Variants in CDYL2 observed in about 807,000 individuals in gnomAD.
CDYL2 encodes chromodomain Y like 2, also known as chromodomain Y-like protein 2.
Under a neutral mutation model 49.4 loss-of-function variants are expected in CDYL2, and 23 were observed. The ratio of observed to expected loss-of-function variants is 0.47; its 90% confidence interval spans 0.34 to 0.66. The LOEUF is 0.66. Among genes scored for constraint, CDYL2 ranks in the 30% least tolerant of loss-of-function variants. The pLI, the probability that CDYL2 is intolerant of heterozygous loss-of-function variation, is 0.01. For missense variants in CDYL2, 678 were observed against 656.4 expected (o/e 1.03, Z -0.36); for synonymous variants, 360 against 268.8 (o/e 1.34, Z -3.32).
At chr16:80,652,810 C>G (rs1908641569) in intron 2 of CDYL2, among the ~76,000 whole-genome samples, 1 of 152,160 alleles carries the variant, frequency 6.6e-6, no homozygotes, top group African/African-American at 2.4e-5. Context: ...AGAAAAACAT[C>G]AAACAAATCC....
rs564364003 is a variant in CDYL2 at position 80,789,931 on chromosome 16, G to C, written c.24+14219C>G. 7.9e-5 allele frequency among the ~76,000 whole-genome samples: 12 copies of C among 152,238 alleles called. No individual in the cohort carries two copies. The East Asian group carries it at 2.3e-3, about 29-fold the overall frequency. On this transcript the variant is annotated intron_variant, in intron 1 of 6. Coordinates refer to ENST00000570137, the MANE Select transcript of CDYL2 (RefSeq NM_152342.4). Reference sequence around the variant, plus strand: ...CCAAAAGGAAAGAAGATGTGAGGGGGATGAGGGTTGAAAAATTACCTACTG... The same window carrying C: ...CCAAAAGGAAAGAAGATGTGAGGGGCATGAGGGTTGAAAAATTACCTACTG...
chr16:80,718,037 C>T (rs1904869249), intron 1 of CDYL2, among the ~76,000 whole-genome samples: 2 of 152,196 alleles, frequency 1.3e-5, no homozygotes, highest in African/African-American at 4.8e-5. Flanking sequence ...ATCATCCTGA[C>T]AAACCCAGGA....
At chr16:80,635,134 A>G (rs892428650) in intron 2 of CDYL2, among the ~76,000 whole-genome samples, 4 of 152,250 alleles carry the variant, frequency 2.6e-5, no homozygotes, top group African/African-American at 9.6e-5. Context: ...ATCAGGTATA[A>G]GAAGCTGGTT....
rs1278791548 is a variant in CDYL2, at chr16:80,804,242, C to T, written c.-69G>A. The T allele has an allele frequency of 4.6e-6, 6 of 1,301,510 alleles. No homozygotes were observed. The highest frequency in any genetic ancestry group is 1.6e-5 in the African/African-American group (1 of 62,586). The allele number at this position is 1,301,510 out of a possible 1,614,324, so 80.6% of individuals were successfully genotyped here. The stretch of plus-strand genomic sequence containing the variant: ...CTCGCGCCCTCCGTGCGTGTGCGCG[C>T]GGGGTCCGGTGTGCGCGTGTGTGTG... On this transcript the variant is annotated 5_prime_UTR_variant, in exon 1 of 7. Transcript: ENST00000570137.
chr16:80,625,873 T>C (rs1907276308), intron 3 of CDYL2, among the ~76,000 whole-genome samples: 1 of 152,018 alleles, frequency 6.6e-6, no homozygotes, highest in Admixed American at 6.6e-5. Flanking sequence ...AAAGGAAGGG[T>C]AAAAATTAGG....
Position 80,757,194 on chromosome 16 carries a change from A to C in CDYL2, c.24+46956T>G, listed in dbSNP as rs1201935498. On this transcript the variant is annotated intron_variant, in intron 1 of 6. Coordinates refer to ENST00000570137, the MANE Select transcript of CDYL2 (RefSeq NM_152342.4). ...AGTTAAAATATCAACTAAGACAAGC[A>C]GACTTTAATAACTAAAAGAGAGTCA... 3.3e-5 allele frequency among the ~76,000 whole-genome samples: 5 copies of C among 152,232 alleles called. No individual in the cohort carries two copies. The South Asian group carries it at 6.2e-4, about 19-fold the overall frequency.
intron 2 of CDYL2, among the ~76,000 whole-genome samples, chr16:80,639,317 C>G (rs1013854877): frequency 2.6e-5 from 4 of 152,174 alleles, no homozygotes; most frequent in African/African-American, 9.7e-5. Flanking sequence ...CTAAACTAGT[C>G]TTACCACATC....
intron 1 of CDYL2, among the ~76,000 whole-genome samples, chr16:80,786,735 C>T (rs1907448459): frequency 6.6e-6 from 1 of 152,150 alleles, no homozygotes; most frequent in Non-Finnish European, 1.5e-5. Flanking sequence ...GAATACTATG[C>T]AGCCATAAAA....
In CDYL2 at chr16:80,638,935, A is replaced by G. The variant is rs191389167; in HGVS notation, c.617-5699T>C. Among the ~76,000 whole-genome samples the G allele has an allele frequency of 1.8e-4, 27 of 152,352 alleles. No homozygotes were observed. In the East Asian group the frequency reaches 4.4e-3, roughly 25 times the overall value. ...ACTTGGGTTTGCAATGACTTTTTAC[A>G]TAAGACACTAAAAACATGATCCGTG... On this transcript the variant is annotated intron_variant, in intron 2 of 6. Coordinates refer to ENST00000570137, the MANE Select transcript of CDYL2 (RefSeq NM_152342.4).
chr16:80,750,948 A>T (rs1906114104), intron 1 of CDYL2, among the ~76,000 whole-genome samples: 1 of 152,006 alleles, frequency 6.6e-6, no homozygotes, highest in Admixed American at 6.6e-5. Flanking sequence ...TGAACCCGGG[A>T]GGTGGAGCTT....
At chr16:80,706,396 C>G (rs9934575) in intron 1 of CDYL2, among the ~76,000 whole-genome samples, 26,166 of 152,128 alleles carry the variant, frequency 0.17, 3,921 homozygotes, top group African/African-American at 0.41. Context: ...AGATAAACCT[C>G]AGCTTGAATC....
intron 1 of CDYL2, among the ~76,000 whole-genome samples, chr16:80,688,396 C>T (rs1910282220): frequency 6.6e-6 from 1 of 152,024 alleles, no homozygotes. Context: ...GCCTTGGTGT[C>T]CCCATCGGTA....
In CDYL2 at chr16:80,722,195, T is replaced by TA. The variant is rs397854672; in HGVS notation, c.25-37067dup. On this transcript the variant is annotated intron_variant, in intron 1 of 6. Transcript: ENST00000570137. Reference sequence around the variant, plus strand: ...CCAAAGAGGTTTTTAAATACTGATTTAAAAAAAAGAAGAAAATGAATAAAA... The same window carrying TA: ...CCAAAGAGGTTTTTAAATACTGATTTAAAAAAAAAGAAGAAAATGAATAAAA... 1.6e-3 allele frequency among the ~76,000 whole-genome samples: 240 copies of TA among 151,788 alleles called. 1 individual carries two copies. Among genetic ancestry groups the TA allele is most frequent in the African/African-American group, 5.3e-3 (221 of 41,376 alleles).
intron 1 of CDYL2, among the ~76,000 whole-genome samples, chr16:80,783,162 T>C (rs544352957): frequency 4.6e-5 from 7 of 151,992 alleles, no homozygotes; most frequent in African/African-American, 1.7e-4. Flanking sequence ...ACTCAACAAT[T>C]CAACAACAAA....
chr16:80,731,187 C>T (rs1221243757), intron 1 of CDYL2, among the ~76,000 whole-genome samples: 1 of 151,898 alleles, frequency 6.6e-6, no homozygotes, highest in Non-Finnish European at 1.5e-5. Context: ...AAAATAAGAA[C>T]AGGATGAAAT....
chr16:80,765,728 C>CAA (rs35740729), intron 1 of CDYL2, among the ~76,000 whole-genome samples: 119 of 54,928 alleles, frequency 2.2e-3, no homozygotes, highest in African/African-American at 4.1e-3. Context: ...GTATTAATCG[C>CAA]AAAAAAAAAA....
chr16:80,748,038 C>G (rs545110759), intron 1 of CDYL2, among the ~76,000 whole-genome samples: 6 of 151,836 alleles, frequency 4.0e-5, no homozygotes, highest in Admixed American at 1.3e-4. Context: ...CCAGCCTCCA[C>G]CCCAGTGACC....
At chr16:80,762,961 T>A (rs1906583568) in intron 1 of CDYL2, among the ~76,000 whole-genome samples, 1 of 152,216 alleles carries the variant, frequency 6.6e-6, no homozygotes, top group Non-Finnish European at 1.5e-5. Flanking sequence ...TATTTAATAA[T>A]GTGTCTTTAA....
intron 2 of CDYL2, among the ~76,000 whole-genome samples, chr16:80,634,412 C>T (rs1907720812): frequency 1.3e-5 from 2 of 152,098 alleles, no homozygotes; most frequent in South Asian, 2.1e-4. Context: ...AACCAAACAC[C>T]GCATGTTCTC....
Sources: gnomAD v4.1 joint callset for allele counts (sites outside exome capture counted in the v4.1 genomes callset) on GRCh38, gnomAD v4.1.1 for gene constraint, MANE v1.5 for transcripts, NCBI Gene and HGNC (gene_info 2026-07-23, HGNC 2026-07-21) for gene names.